ZNF418: variants seen among roughly 807,000 people sequenced by gnomAD.
The protein encoded by ZNF418 is zinc finger protein 418.
A neutral mutation model predicts 32.0 loss-of-function variants in ZNF418; 32 were observed. That is an observed-to-expected ratio of 1.00 (90% confidence interval 0.75 to 1.34). The LOEUF (loss-of-function observed/expected upper bound fraction) is 1.34. ZNF418 is among the 40% of genes most tolerant of loss of function. The pLI is 0.00. For missense variants in ZNF418, 804 were observed against 812.5 expected (o/e 0.99, Z 0.13); for synonymous variants, 276 against 270.7 (o/e 1.02, Z -0.19).
rs1272521260 is a variant in ZNF418 at position 57,926,248 on chromosome 19, T to C, written c.1933A>G (p.Arg645Gly). The change falls in exon 4 of 6, where the codon AGG (arginine) becomes GGG (glycine). Residue 645 changes from arginine to glycine, a missense_variant. Around this residue, in one of 3 missense-constraint regions of ZNF418, gnomAD observed 475 missense variants for 458.6 expected, o/e 1.04. Coordinates refer to ENST00000396147, the MANE Select transcript of ZNF418 (RefSeq NM_133460.3). ...CCACATTCACTGCACTCATAAGGCCTTTCTCCAGTGTGTACTCTCCTGTGT... is the reference window on the plus strand; with the variant it reads ...CCACATTCACTGCACTCATAAGGCCCTTCTCCAGTGTGTACTCTCCTGTGT... ...TEHRRVHTGE[R>G]PYECSECGKS... 1 of 1,613,940 alleles carries C rather than the reference T, an allele frequency of 6.2e-7. No homozygotes were observed. Among genetic ancestry groups the C allele is most frequent in the Non-Finnish European group, 8.5e-7 (1 of 1,179,906 alleles).
intron 1 of ZNF418, 147 bp downstream of exon 1, chr19:57,935,014 G>GT: frequency 7.0e-7 from 1 of 1,422,916 alleles, no homozygotes; most frequent in Non-Finnish European, 9.3e-7. Context: ...CATCCCACAG[G>GT]TGTCAGAAAC....
In ZNF418 at chr19:57,926,869, T is replaced by G; in HGVS notation, c.1312A>C (p.Lys438Gln). ...CGECGKSFSRKGNLIQHQRSH... is the reference protein window; with the variant it reads ...CGECGKSFSRQGNLIQHQRSH... The stretch of plus-strand genomic sequence containing the variant: ...CGCTGATGCTGAATGAGGTTGCCCT[T>G]TCGACTAAAAGATTTCCCACATTCT... The change falls in exon 4 of 6, where the codon AAG (lysine) becomes CAG (glutamine). Residue 438 changes from lysine (K) to glutamine (Q), a missense_variant. By Grantham distance (53) the Lys-to-Gln change is moderately conservative. Around this residue, in one of 3 missense-constraint regions of ZNF418, gnomAD observed 475 missense variants for 458.6 expected, o/e 1.04. Coordinates refer to ENST00000396147, the MANE Select transcript of ZNF418 (RefSeq NM_133460.3). 1 of 1,614,152 alleles carries G rather than the reference T, an allele frequency of 6.2e-7. No homozygotes were observed. The highest frequency in any genetic ancestry group is 8.5e-7 in the Non-Finnish European group (1 of 1,180,012).
Position 57,926,973 on chromosome 19 carries a change from C to T in ZNF418, c.1208G>A (p.Cys403Tyr), listed in dbSNP as rs1324094516. Reference sequence around the variant, plus strand: ...TCCCTTTCGACTAAAAGATTTCCCACATTCTCCACACTCATAAGGTCGTTC... The same window carrying T: ...TCCCTTTCGACTAAAAGATTTCCCATATTCTCCACACTCATAAGGTCGTTC... The part of the protein sequence containing the change: ...TRERPYECGE[C>Y]GKSFSRKGHL... Residue 403 changes from cysteine (C) to tyrosine (Y), a missense_variant, in exon 4 of 6, where the codon TGT becomes TAT. Transcript: ENST00000396147. 3 of 1,614,154 alleles carry T rather than the reference C, an allele frequency of 1.9e-6. No homozygotes were observed. The highest frequency in any genetic ancestry group is 1.1e-5 in the South Asian group (1 of 91,084).
chr19:57,935,026 AG>A (rs1481745504), intron 1 of ZNF418, 134 bp downstream of exon 1: 11 of 1,410,272 alleles, frequency 7.8e-6, no homozygotes. Context: ...GTCAGAAACA[AG>A]GACCTCTCCC....
rs1291987003 is a variant in ZNF418 at position 57,923,237 on chromosome 19, G to C, written c.*580C>G. ...AATCGCTTGAACCCTGGAGGTGGAG[G>C]CTGCAGTGAGCTGAGATCGTGCCAC... is the stretch of plus-strand genomic sequence containing the variant. On this transcript the variant is annotated 3_prime_UTR_variant, in exon 5 of 6. Transcript: ENST00000396147. The C allele has an allele frequency of 6.6e-6, 1 of 151,230 alleles. No individual in the cohort carries two copies. Among genetic ancestry groups the C allele is most frequent in the African/African-American group, 2.4e-5 (1 of 41,070 alleles). The allele number at this position is 151,230 out of a possible 1,614,324, so 9.4% of individuals were successfully genotyped here. A position where few individuals can be genotyped will look rare whatever the true frequency, so the allele number is the denominator to read the frequency against.
chr19:57,922,475 C>T lies in ZNF418; in HGVS notation c.*780G>A, dbSNP rs111648343. 2.5e-6 allele frequency: 1 copy of T among 397,758 alleles called. No homozygotes were observed. 24.6% of individuals were successfully genotyped at this position (397,758 alleles called of 1,614,324 possible). A position where few individuals can be genotyped will look rare whatever the true frequency, so the allele number is the denominator to read the frequency against. ...TCAACACATATTTACCCATGACTTC[C>T]ACGGTGGCTCTTCTGTAAGGAAATG... On this transcript the variant is annotated 3_prime_UTR_variant, in exon 6 of 6. Transcript: ENST00000396147.
In ZNF418 at chr19:57,930,555, C is replaced by T. The variant is rs2072443302; in HGVS notation, c.7-1G>A. ...CCACATCTTCAAATGCCACAGTGCC[C>T]TGCTATGATGGTGACAGATGAAACC... is the stretch of plus-strand genomic sequence containing the variant. On this transcript the variant is annotated splice_acceptor_variant, in intron 2 of 5. Transcript: ENST00000396147. LOFTEE classifies it high-confidence loss of function. The T allele has an allele frequency of 1.2e-6, 2 of 1,613,946 alleles. No homozygotes were observed. The highest frequency in any genetic ancestry group is 1.7e-6 in the Non-Finnish European group (2 of 1,179,942).
Position 57,930,409 on chromosome 19 carries a change from T to C in ZNF418, c.133+19A>G, listed in dbSNP as rs1367090587. On this transcript the variant is annotated intron_variant, in intron 3 of 5. Coordinates refer to ENST00000396147, the MANE Select transcript of ZNF418 (RefSeq NM_133460.3). ...GCAGAGATCTATTCAGGAAATAGGGTAGGGTGTGAGGAACTTACCCAGGGA... is the reference window on the plus strand; with the variant it reads ...GCAGAGATCTATTCAGGAAATAGGGCAGGGTGTGAGGAACTTACCCAGGGA... The C allele has an allele frequency of 1.9e-6, 3 of 1,613,864 alleles. No individual in the cohort carries two copies. The highest frequency in any genetic ancestry group is 2.2e-5 in the East Asian group (1 of 44,856).
Position 57,927,567 on chromosome 19 carries a change from C to G in ZNF418, c.614G>C (p.Cys205Ser). 6.2e-7 allele frequency: 1 copy of G among 1,614,214 alleles called. No homozygotes were observed. Among genetic ancestry groups the G allele is most frequent in the Non-Finnish European group, 8.5e-7 (1 of 1,180,044 alleles). The change falls in exon 4 of 6, where the codon TGT becomes TCT. Residue 205 changes from cysteine to serine, a missense_variant. Physicochemically the swap from Cys to Ser is moderately radical, Grantham distance 112 (BLOSUM62 -1). Transcript: ENST00000396147. ...PFQWGDTHYS[C>S]GECMKHSSTK... ...GCTAGAATGTTTCATGCATTCTCCA[C>G]AGCTGTAATGAGTATCTCCCCACTG...
At chr19:57,933,307 T>A (rs1371247753) in intron 2 of ZNF418, among the ~76,000 whole-genome samples, 2 of 152,182 alleles carry the variant, frequency 1.3e-5, no homozygotes, top group East Asian at 1.9e-4. Context: ...CGACCGGGCT[T>A]GGTGGCTCAC....
rs1041160232 is a variant in ZNF418, at chr19:57,934,217, A to C, written c.-80-315T>G. ...CCAGTGAGGGAATGGAACACCCTCT[A>C]ATTCCCTCTGTGGGTTCCTTTTTTT... On this transcript the variant is annotated intron_variant, in intron 1 of 5. Coordinates refer to ENST00000396147, the MANE Select transcript of ZNF418 (RefSeq NM_133460.3). 6.2e-5 allele frequency: 68 copies of C among 1,089,502 alleles called. No individual in the cohort carries two copies. In the East Asian group the frequency reaches 4.3e-3, roughly 69 times the overall value. The allele number at this position is 1,089,502 out of a possible 1,614,324, so 67.5% of individuals were successfully genotyped here. A position where few individuals can be genotyped will look rare whatever the true frequency, so the allele number is the denominator to read the frequency against.
rs1460672800 is a variant in ZNF418 at position 57,926,545 on chromosome 19, A to G, written c.1636T>C (p.Ser546Pro). 6.2e-7 allele frequency: 1 copy of G among 1,613,772 alleles called. No individual in the cohort carries two copies. ...RPYECGECGKSFHQSSSLLRH... is the reference protein window; with the variant it reads ...RPYECGECGKPFHQSSSLLRH... ...AGGAGGGAAGAGCTCTGATGAAATG[A>G]CTTTCCACATTCTCCACATTCATAA... The change falls in exon 4 of 6, where the codon TCA becomes CCA. Residue 546 changes from serine (S) to proline (P), a missense_variant. Physicochemically the swap from Ser to Pro is moderately conservative, Grantham distance 74. Transcript: ENST00000396147.
In ZNF418 at chr19:57,926,772, A is replaced by G. The variant is rs374072842; in HGVS notation, c.1409T>C (p.Ile470Thr). The G allele has an allele frequency of 1.1e-5, 17 of 1,613,958 alleles. No homozygotes were observed. Among genetic ancestry groups the G allele is most frequent in the African/African-American group, 9.3e-5 (7 of 74,892 alleles). The change falls in exon 4 of 6, where the codon ATT (isoleucine) becomes ACT (threonine). Residue 470 changes from isoleucine (I) to threonine (T), a missense_variant. Ile to Thr is a moderately conservative substitution (Grantham distance 89). This residue lies in a region of ZNF418 where 475 missense variants were observed against 458.6 expected (regional missense o/e 1.04). Coordinates refer to ENST00000396147, the MANE Select transcript of ZNF418 (RefSeq NM_133460.3). ...TCCAGTGTGAACTCTCTGGTGTTCA[A>G]TGAGGTGGGACTTGCCCCTAAATAA... ...RKLFRGKSHL[I>T]EHQRVHTGER...
In ZNF418 at chr19:57,930,649, C is replaced by T. The variant is rs564062812; in HGVS notation, c.7-95G>A. 3.8e-6 allele frequency: 6 copies of T among 1,560,536 alleles called. No individual in the cohort carries two copies. The East Asian group carries it at 9.0e-5, about 23-fold the overall frequency. ...CACCCCCACCCCCTTGCCCATCCTC[C>T]TCCCAAGATCCTCAGCACAGAGGAG... On this transcript the variant is annotated intron_variant, in intron 2 of 5. Coordinates refer to ENST00000396147, the MANE Select transcript of ZNF418 (RefSeq NM_133460.3).
At chr19:57,925,449 A>G (rs2072178695) in intron 4 of ZNF418, among the ~76,000 whole-genome samples, 174 bp downstream of exon 4, 1 of 145,746 alleles carries the variant, frequency 6.9e-6, no homozygotes, top group Admixed American at 7.0e-5. Context: ...CGACAGAGCG[A>G]GACTCTGTCT....
Position 57,933,913 on chromosome 19 carries a change from A to G in ZNF418, c.-80-11T>C. 1.9e-6 allele frequency: 3 copies of G among 1,612,462 alleles called. No individual in the cohort carries two copies. Among genetic ancestry groups the G allele is most frequent in the Non-Finnish European group, 2.5e-6 (3 of 1,179,906 alleles). On this transcript the variant is annotated splice_polypyrimidine_tract_variant and intron_variant, in intron 1 of 5. Coordinates refer to ENST00000396147, the MANE Select transcript of ZNF418 (RefSeq NM_133460.3). The stretch of plus-strand genomic sequence containing the variant: ...GCAGCCAGATGATGCCTGCAGACAA[A>G]TGGGACTGTGGTAACATCACCTCCT...
Position 57,926,203 on chromosome 19 carries a change from A to G in ZNF418, c.1978T>C (p.Ser660Pro), listed in dbSNP as rs2072209776. Residue 660 changes from serine (S) to proline (P), a missense_variant, in exon 4 of 6, where the codon TCT (serine) becomes CCT (proline). By Grantham distance (74) the Ser-to-Pro change is moderately conservative. Around this residue, in one of 3 missense-constraint regions of ZNF418, gnomAD observed 475 missense variants for 458.6 expected, o/e 1.04. Transcript: ENST00000396147. ...SECGKSFHRS[S>P]SLLRHQRVHT... ...ACTCTCTGATGTCGAAGGAGAGAAG[A>G]GCTTCGATGAAATGATTTTCCACAT... 5.0e-6 allele frequency: 8 copies of G among 1,614,052 alleles called. No individual in the cohort carries two copies. The highest frequency in any genetic ancestry group is 1.3e-5 in the African/African-American group (1 of 75,062).
At chr19:57,924,676 A>C (rs1568537915) in intron 4 of ZNF418, among the ~76,000 whole-genome samples, 1 of 152,208 alleles carries the variant, frequency 6.6e-6, no homozygotes. Context: ...ATATCAGAGC[A>C]CATGGCTGCA....
intron 4 of ZNF418, among the ~76,000 whole-genome samples, chr19:57,924,141 A>AG (rs1259548154): frequency 2.6e-5 from 4 of 151,466 alleles, no homozygotes; most frequent in East Asian, 3.9e-4. Flanking sequence ...ACCTTGTCTT[A>AG]GAAAAAAAAA....
Sources: allele counts gnomAD v4.1 joint callset (sites outside exome capture counted in the v4.1 genomes callset), GRCh38; gene constraint gnomAD v4.1.1; regional missense constraint gnomAD v4.1.1; transcripts MANE v1.5; gene names NCBI Gene and HGNC (gene_info 2026-07-23, HGNC 2026-07-21).